Variants in RAD51B observed in about 807,000 individuals in gnomAD.
The protein encoded by RAD51B is RAD51 paralog B, also known as DNA repair protein RAD51 homolog 2.
In RAD51B, 38 loss-of-function variants were observed where a neutral mutation model predicts 42.2. The ratio of observed to expected loss-of-function variants is 0.90; its 90% CI spans 0.70 to 1.18. The LOEUF (loss-of-function observed/expected upper bound fraction) is 1.18. Ranked by LOEUF, RAD51B falls within the 50% of genes most tolerant of loss-of-function variation. The probability of loss-of-function intolerance (pLI) is 0.00; values close to 1 mark genes in which losing one functional copy is unlikely to be tolerated. For synonymous variants in RAD51B, 154 were observed against 145.2 expected, an observed-to-expected ratio of 1.06 and a Z score of -0.43; for missense variants, 373 against 400.7, an observed-to-expected ratio of 0.93 and a Z score of 0.59.
chr14:67,956,642 A>T (rs548195846), intron 7 of RAD51B, among the ~76,000 whole-genome samples: 3 of 152,346 alleles, frequency 2.0e-5, no homozygotes, highest in African/African-American at 7.2e-5. Context: ...AGTAAACTAT[A>T]CTTTAAAGGG....
chr14:68,633,662 A>C (rs1192540922), intron 10 of RAD51B, among the ~76,000 whole-genome samples: 2 of 152,264 alleles, frequency 1.3e-5, no homozygotes, highest in East Asian at 3.8e-4. Context: ...CTCAGAGCAC[A>C]GAAAAGCCCG....
At chr14:68,092,374 T>A (rs1271963758) in intron 7 of RAD51B, among the ~76,000 whole-genome samples, 1 of 152,190 alleles carries the variant, frequency 6.6e-6, no homozygotes, top group Non-Finnish European at 1.5e-5. Context: ...TTTTATTTCA[T>A]TGAGCAGTGG....
At chr14:68,124,322 A>G (rs1286281946) in intron 7 of RAD51B, among the ~76,000 whole-genome samples, 1 of 148,328 alleles carries the variant, frequency 6.7e-6, no homozygotes, top group Non-Finnish European at 1.5e-5. Flanking sequence ...TTGCATTCCT[A>G]ATAGAGGCAC....
chr14:68,258,761 G>A (rs1010840044), intron 7 of RAD51B, among the ~76,000 whole-genome samples: 6 of 152,152 alleles, frequency 3.9e-5, no homozygotes, highest in African/African-American at 1.4e-4. Context: ...TAGTTTACTA[G>A]AGAGCATTAT....
chr14:67,938,083 C>A (rs1159808519), intron 7 of RAD51B, among the ~76,000 whole-genome samples: 1 of 151,980 alleles, frequency 6.6e-6, no homozygotes, highest in East Asian at 1.9e-4. Flanking sequence ...GGCATGTGCT[C>A]CAGTGTGTTT....
intron 7 of RAD51B, among the ~76,000 whole-genome samples, chr14:68,240,205 T>C (rs1021245605): frequency 2.0e-5 from 3 of 152,206 alleles, no homozygotes; most frequent in Non-Finnish European, 4.4e-5. Context: ...TTGTGTCTAT[T>C]TGGAGCCCCA....
chr14:68,295,596 A>G (rs1010651100), intron 8 of RAD51B, among the ~76,000 whole-genome samples: 1 of 152,092 alleles, frequency 6.6e-6, no homozygotes. Flanking sequence ...CTGGGCCTGC[A>G]GCTGGCAGAT....
chr14:68,528,124 A>G (rs1887052271), intron 10 of RAD51B, among the ~76,000 whole-genome samples: 1 of 152,216 alleles, frequency 6.6e-6, no homozygotes, highest in South Asian at 2.1e-4. Flanking sequence ...CCAACCAGTA[A>G]AGAATTCCCT....
intron 7 of RAD51B, among the ~76,000 whole-genome samples, chr14:68,270,175 A>G (rs2081077730): frequency 6.6e-6 from 1 of 152,178 alleles, no homozygotes; most frequent in African/African-American, 2.4e-5. Context: ...ATGCCCTGCG[A>G]TCCAGCCCAA....
At chr14:68,019,534 C>G (rs977478283) in intron 7 of RAD51B, among the ~76,000 whole-genome samples, 2 of 151,924 alleles carry the variant, frequency 1.3e-5, no homozygotes, top group African/African-American at 4.8e-5. Flanking sequence ...TTTTTTCAAG[C>G]AAATTTCCAT....
intron 9 of RAD51B, among the ~76,000 whole-genome samples, chr14:68,465,406 C>T (rs1045871088): frequency 6.6e-6 from 1 of 152,166 alleles, no homozygotes; most frequent in Non-Finnish European, 1.5e-5. Context: ...CCATCTTAGA[C>T]TCTTCAATCA....
chr14:68,202,217 G>A (rs886740820), intron 7 of RAD51B, among the ~76,000 whole-genome samples: 2 of 152,108 alleles, frequency 1.3e-5, no homozygotes, highest in African/African-American at 4.8e-5. Flanking sequence ...TGCTGGTGGA[G>A]TGTTTTGCCT....
At chr14:67,948,947 A>G (rs949651159) in intron 7 of RAD51B, among the ~76,000 whole-genome samples, 2 of 150,410 alleles carry the variant, frequency 1.3e-5, no homozygotes, top group African/African-American at 4.9e-5. Context: ...AAAAAAAAAA[A>G]AAAAAAAAAA....
rs750874336 is a variant in RAD51B at position 67,825,594 on chromosome 14, T to C, written c.198+17T>C. On this transcript the variant is annotated intron_variant, in intron 3 of 10. Transcript: ENST00000471583. ...ATGCAAACGGTATATTTATATTTTA[T>C]TATGATTTGATTATGAATGATTCCT... The C allele has an allele frequency of 2.6e-6, 4 of 1,540,238 alleles. No individual in the cohort carries two copies. Among genetic ancestry groups the C allele is most frequent in the Non-Finnish European group, 3.5e-6 (4 of 1,127,940 alleles).
intron 10 of RAD51B, among the ~76,000 whole-genome samples, chr14:68,514,178 C>T (rs1398098370): frequency 2.6e-5 from 4 of 152,162 alleles, no homozygotes; most frequent in Non-Finnish European, 5.9e-5. Flanking sequence ...AAAATTACCG[C>T]GGAGCACATT....
intron 7 of RAD51B, among the ~76,000 whole-genome samples, chr14:68,270,785 CT>C (rs1179577751): frequency 1.3e-5 from 2 of 152,166 alleles, no homozygotes. Context: ...CCATTTCCAT[CT>C]TTTATGGCAG....
chr14:68,556,561 G>T (rs1309609197), intron 10 of RAD51B, among the ~76,000 whole-genome samples: 3 of 152,146 alleles, frequency 2.0e-5, no homozygotes, highest in Non-Finnish European at 2.9e-5. Flanking sequence ...GGAAGAACAA[G>T]ACTGAGGAGT....
chr14:67,843,017 AG>A (rs1355860096), intron 4 of RAD51B, among the ~76,000 whole-genome samples: 2 of 152,152 alleles, frequency 1.3e-5, no homozygotes, highest in Non-Finnish European at 2.9e-5. Flanking sequence ...TCAGGAATAA[AG>A]CTTACTTAAT....
chr14:68,247,009 T>C (rs2080512872), intron 7 of RAD51B, among the ~76,000 whole-genome samples: 1 of 152,180 alleles, frequency 6.6e-6, no homozygotes, highest in Non-Finnish European at 1.5e-5. Flanking sequence ...GGGGCTCTTG[T>C]TCATGCCCAG....
Sources: gnomAD v4.1 joint callset for allele counts (sites outside exome capture counted in the v4.1 genomes callset) on GRCh38, gnomAD v4.1.1 for gene constraint, MANE v1.5 for transcripts, NCBI Gene and HGNC (gene_info 2026-07-23, HGNC 2026-07-21) for gene names.